The following RBFOX1 variants were observed in gnomAD, a reference collection of about 807,000 sequenced individuals.
The protein encoded by RBFOX1 is RNA binding protein fox-1 homolog 1.
A neutral mutation model predicts 57.7 loss-of-function variants in RBFOX1; 8 were observed. That is an observed-to-expected ratio of 0.14 (90% CI 0.08 to 0.25). RBFOX1 has a LOEUF of 0.25. RBFOX1 is among the 10% of genes least tolerant of loss of function. The probability of loss-of-function intolerance (pLI) is 1.00; values close to 1 mark genes in which losing one functional copy is unlikely to be tolerated. For missense variants in RBFOX1, 611 were observed against 548.5 expected (o/e 1.11, Z -1.14); for synonymous variants, 326 against 222.4 (o/e 1.47, Z -4.15).
In RBFOX1 at chr16:6,793,547, G is replaced by T. The variant is rs543146685; in HGVS notation, c.-16+138897G>T. ...ATTTCTAGGTCTTTGTTATTGACCT[G>T]CCTACATTTCAATTCTTGGCCCTTC... On this transcript the variant is annotated intron_variant, in intron 3 of 15. Coordinates refer to ENST00000550418, the MANE Select transcript of RBFOX1 (RefSeq NM_018723.4). 3.4e-4 allele frequency among the ~76,000 whole-genome samples: 52 copies of T among 152,186 alleles called. 1 individual carries two copies. The highest frequency in any genetic ancestry group is 1.2e-3 in the African/African-American group (51 of 41,514).
intron 4 of RBFOX1, among the ~76,000 whole-genome samples, chr16:5,880,596 C>A (rs1453527073): frequency 6.6e-6 from 1 of 152,136 alleles, no homozygotes; most frequent in African/African-American, 2.4e-5. Context: ...TAAAGACCTG[C>A]TAGAGGTCAC....
Position 7,518,212 on chromosome 16 carries a change from T to A in RBFOX1, c.93T>A (p.Ala31=). ...AGCCTTACGCTTCGGCCCAGTTTGC[T>A]CCCCCGCAGAACGGTATCCCCGCGG... is the stretch of plus-strand genomic sequence containing the variant. ...MAQPYASAQF[A]PPQNGIPAEY... is the part of the protein sequence containing the mutation. Residue 31 remains alanine (A), a synonymous_variant, in exon 5 of 16, where the codon GCT becomes GCA. Transcript: ENST00000550418. 6.2e-7 allele frequency: 1 copy of A among 1,613,684 alleles called. No homozygotes were observed. The highest frequency in any genetic ancestry group is 8.5e-7 in the Non-Finnish European group (1 of 1,179,914).
intron 2 of RBFOX1, among the ~76,000 whole-genome samples, chr16:5,594,780 A>G (rs890205941): frequency 3.3e-5 from 5 of 151,982 alleles, no homozygotes; most frequent in African/African-American, 9.7e-5. Flanking sequence ...TAGCTTAGTG[A>G]TTCAGGGGCC....
At position 6,910,282 on chromosome 16, in the gene RBFOX1, G is replaced by T. The variant is rs529876471; in HGVS notation, c.-15-141775G>T. 2.6e-4 allele frequency among the ~76,000 whole-genome samples: 39 copies of T among 152,280 alleles called. No homozygotes were observed. In the South Asian group the frequency reaches 8.1e-3, roughly 32 times the overall value. ...ATTTTCTCCATACTTCCAGAATCGTGTAGGGAGTTGGGCACAGAGAATCTT... is the reference window on the plus strand; with the variant it reads ...ATTTTCTCCATACTTCCAGAATCGTTTAGGGAGTTGGGCACAGAGAATCTT... On this transcript the variant is annotated intron_variant, in intron 3 of 15. Transcript: ENST00000550418.
At chr16:7,330,512 GTGTGTGTGTGTGT>G (rs1568240447) in intron 4 of RBFOX1, among the ~76,000 whole-genome samples, 14 of 118,818 alleles carry the variant, frequency 1.2e-4, no homozygotes, top group African/African-American at 2.4e-4. Context: ...GTGTGTGTTT[GTGTGTGTGTGTGT>G]AGAGAGAGAG....
chr16:7,314,186 A>T (rs1338105891), intron 4 of RBFOX1, among the ~76,000 whole-genome samples: 3 of 152,178 alleles, frequency 2.0e-5, no homozygotes, highest in Non-Finnish European at 4.4e-5. Flanking sequence ...TTTCTCCGCA[A>T]CCAATTCCAA....
intron 4 of RBFOX1, among the ~76,000 whole-genome samples, chr16:5,965,474 C>T (rs1292536662): frequency 6.6e-6 from 1 of 152,104 alleles, no homozygotes; most frequent in Admixed American, 6.5e-5. Flanking sequence ...GGAAACCAAT[C>T]AAGCTGTAAG....
At chr16:6,452,463 G>A (rs960678760) in intron 2 of RBFOX1, among the ~76,000 whole-genome samples, 4 of 151,880 alleles carry the variant, frequency 2.6e-5, no homozygotes, top group African/African-American at 9.7e-5. Context: ...TCCTTCCATG[G>A]CTCCATCCTT....
At chr16:6,244,888 C>T (rs1212487744) in intron 1 of RBFOX1, among the ~76,000 whole-genome samples, 2 of 152,080 alleles carry the variant, frequency 1.3e-5, no homozygotes, top group Non-Finnish European at 2.9e-5. Context: ...TGTTTTGCCA[C>T]ATTCTGGTGT....
At position 6,818,100 on chromosome 16, in the gene RBFOX1, C is replaced by T. The variant is rs148030071; in HGVS notation, c.-16+163450C>T. Among the ~76,000 whole-genome samples the T allele has an allele frequency of 1.0e-3, 156 of 152,248 alleles. 1 individual carries two copies. The highest frequency in any genetic ancestry group is 1.4e-3 in the Non-Finnish European group (95 of 68,000). Reference sequence around the variant, plus strand: ...TCATGATGTAATTGCATTATTGTTTCAGATTTTCCACCCCTCCCTCTATGG... The same window carrying T: ...TCATGATGTAATTGCATTATTGTTTTAGATTTTCCACCCCTCCCTCTATGG... On this transcript the variant is annotated intron_variant, in intron 3 of 15. Coordinates refer to ENST00000550418, the MANE Select transcript of RBFOX1 (RefSeq NM_018723.4).
intron 3 of RBFOX1, among the ~76,000 whole-genome samples, chr16:5,712,862 C>A (rs1244105950): frequency 3.3e-5 from 5 of 152,204 alleles, no homozygotes; most frequent in African/African-American, 1.2e-4. Flanking sequence ...CACCCCCACT[C>A]CATTTCTGTG....
intron 1 of RBFOX1, among the ~76,000 whole-genome samples, chr16:6,058,309 T>C (rs76742973): frequency 1.1e-4 from 17 of 150,042 alleles, no homozygotes; most frequent in East Asian, 6.2e-4. Flanking sequence ...TCCCTCCTCT[T>C]CTTCCTCCCT....
intron 3 of RBFOX1, among the ~76,000 whole-genome samples, chr16:6,979,678 A>G (rs1317043966): frequency 6.6e-6 from 1 of 152,234 alleles, no homozygotes; most frequent in Non-Finnish European, 1.5e-5. Context: ...TAGAATTCAA[A>G]TAAATAAACA....
chr16:7,700,988 G>A (rs1183540602), intron 14 of RBFOX1, among the ~76,000 whole-genome samples: 2 of 151,580 alleles, frequency 1.3e-5, no homozygotes, highest in Non-Finnish European at 2.9e-5. Flanking sequence ...AGGTATCCAT[G>A]GGCAAAAAAA....
chr16:7,227,807 G>A (rs1003253468), intron 4 of RBFOX1, among the ~76,000 whole-genome samples: 1 of 152,190 alleles, frequency 6.6e-6, no homozygotes, highest in East Asian at 1.9e-4. Flanking sequence ...CCTCATCACG[G>A]CAGCTGCATG....
At chr16:6,929,075 C>T (rs1380173755) in intron 3 of RBFOX1, among the ~76,000 whole-genome samples, 1 of 152,120 alleles carries the variant, frequency 6.6e-6, no homozygotes, top group Non-Finnish European at 1.5e-5. Context: ...CCATGCTTGC[C>T]CCACTCCCCA....
intron 2 of RBFOX1, among the ~76,000 whole-genome samples, chr16:6,594,567 T>G (rs1408546197): frequency 1.3e-5 from 2 of 152,196 alleles, no homozygotes; most frequent in African/African-American, 4.8e-5. Context: ...GTTTTTAATG[T>G]AAAAGCTCCT....
intron 2 of RBFOX1, among the ~76,000 whole-genome samples, chr16:6,461,486 C>A (rs1289029066): frequency 6.6e-6 from 1 of 152,190 alleles, no homozygotes; most frequent in African/African-American, 2.4e-5. Context: ...CATGATCTTT[C>A]AGGCTAATTT....
chr16:5,262,004 G>T (rs55994114), intron 1 of RBFOX1, among the ~76,000 whole-genome samples: 64,985 of 151,996 alleles, frequency 0.43, 14,985 homozygotes, highest in East Asian at 0.68. Context: ...TTGATAATTT[G>T]TCTGGGAATC....
Sources: gnomAD v4.1 joint callset for allele counts (sites outside exome capture counted in the v4.1 genomes callset) on GRCh38, gnomAD v4.1.1 for gene constraint, MANE v1.5 for transcripts, NCBI Gene and HGNC (gene_info 2026-07-23, HGNC 2026-07-21) for gene names.